CASD1: variants seen among roughly 807,000 people sequenced by gnomAD.
CASD1 encodes the protein CAS1 domain sialic acid O acetyltransferase 1, also known as N-acetylneuraminate (7)9-O-acetyltransferase.
In CASD1, 41 loss-of-function variants were observed where a neutral mutation model predicts 100.0. The ratio of observed to expected loss-of-function variants is 0.41; its 90% CI spans 0.32 to 0.53. The LOEUF is 0.53. Ranked by LOEUF, CASD1 falls within the 20% of genes least tolerant of loss-of-function variation. CASD1 has a pLI of 0.25. For synonymous variants in CASD1, 321 were observed against 315.6 expected (o/e 1.02, Z -0.18); for missense variants, 774 against 948.7 (o/e 0.82, Z 2.42).
chr7:94,558,151 G>T (rs1796268568), downstream of CASD1, among the ~76,000 whole-genome samples: 1 of 151,988 alleles, frequency 6.6e-6, no homozygotes, highest in Non-Finnish European at 1.5e-5. Context: ...CATTTTTGTG[G>T]GTAGCCAATA....
At chr7:94,511,517 C>G (rs1313561303) in intron 1 of CASD1, among the ~76,000 whole-genome samples, 1 of 152,214 alleles carries the variant, frequency 6.6e-6, no homozygotes. Flanking sequence ...CTCCAGCTCT[C>G]TCCAGATCAC....
chr7:94,613,179 A>C, the CASD1 span, among the ~76,000 whole-genome samples: 3 of 152,222 alleles, frequency 2.0e-5, no homozygotes, highest in Admixed American at 6.5e-5. Flanking sequence ...TGTCTCATTA[A>C]GTTTTTTTAA....
chr7:94,535,608 T>G, intron 8 of CASD1, 85 bp downstream of exon 8: 3 of 948,804 alleles, frequency 3.2e-6, no homozygotes, highest in Non-Finnish European at 4.9e-6. Flanking sequence ...TGGTTATAAA[T>G]AATTTGTTTT....
At chr7:94,513,762 T>C (rs1793835090) in intron 1 of CASD1, among the ~76,000 whole-genome samples, 1 of 152,240 alleles carries the variant, frequency 6.6e-6, no homozygotes, top group Non-Finnish European at 1.5e-5. Flanking sequence ...AATCCTTAAA[T>C]AACTGTGGAT....
At chr7:94,526,586 C>T (rs1035679413) in intron 3 of CASD1, among the ~76,000 whole-genome samples, 1 of 152,076 alleles carries the variant, frequency 6.6e-6, no homozygotes, top group African/African-American at 2.4e-5. Context: ...CCCAGGAGTT[C>T]GAGACCAGCT....
chr7:94,599,668 A>C, the CASD1 span: 13 of 1,602,704 alleles, frequency 8.1e-6, no homozygotes, highest in African/African-American at 1.7e-4. Flanking sequence ...AAAAATGATG[A>C]AGAAAATAAC....
chr7:94,605,440 TCAC>T, the CASD1 span, among the ~76,000 whole-genome samples: 2 of 152,114 alleles, frequency 1.3e-5, no homozygotes, highest in Non-Finnish European at 2.9e-5. Context: ...AACAATCTAT[TCAC>T]CATATATCCA....
At chr7:94,586,061 G>GAAAAAAAAAAAAAAAA in the CASD1 span, among the ~76,000 whole-genome samples, 1 of 28,904 alleles carries the variant, frequency 3.5e-5, no homozygotes, top group Non-Finnish European at 5.9e-5. Flanking sequence ...GGAACTAAAT[G>GAAAAAAAAAAAAAAAA]AAAAAAAAAA....
chr7:94,618,590 C>A, the CASD1 span: 2 of 608,288 alleles, frequency 3.3e-6, no homozygotes, highest in Non-Finnish European at 5.7e-6. Flanking sequence ...ACCACTAACA[C>A]AACATCTTTG....
intron 4 of CASD1, among the ~76,000 whole-genome samples, chr7:94,527,863 G>A (rs1166820382): frequency 6.6e-6 from 1 of 152,124 alleles, no homozygotes; most frequent in African/African-American, 2.4e-5. Context: ...TCTGCACCTT[G>A]TTAACAACTT....
intron 5 of CASD1, 73 bp from the exon 6 acceptor site, chr7:94,533,132 A>AATTAAATG: frequency 9.2e-7 from 1 of 1,089,126 alleles, no homozygotes; most frequent in East Asian, 2.4e-5. Flanking sequence ...TAAGGAAAAA[A>AATTAAATG]ATTAAATGAT....
the CASD1 span, among the ~76,000 whole-genome samples, chr7:94,581,956 C>T: frequency 6.6e-6 from 1 of 152,192 alleles, no homozygotes; most frequent in Non-Finnish European, 1.5e-5. Flanking sequence ...ACCACAGTGT[C>T]TTCCACAATG....
chr7:94,627,258 T>G, the CASD1 span: 1 of 152,098 alleles, frequency 6.6e-6, no homozygotes, highest in Non-Finnish European at 1.5e-5. Flanking sequence ...AAAGGCTGTA[T>G]TCTTTTAGTT....
the CASD1 span, among the ~76,000 whole-genome samples, chr7:94,583,880 A>G: frequency 2.0e-5 from 3 of 152,190 alleles, no homozygotes; most frequent in African/African-American, 7.2e-5. Flanking sequence ...AAAACAAAAA[A>G]ACCCTTAATA....
chr7:94,540,318 G>A (rs1795334968), intron 10 of CASD1, among the ~76,000 whole-genome samples: 1 of 152,180 alleles, frequency 6.6e-6, no homozygotes, highest in Non-Finnish European at 1.5e-5. Context: ...TCAATGATAA[G>A]TTGAAGTTAG....
the CASD1 span, chr7:94,624,562 A>C: frequency 4.9e-5 from 11 of 226,036 alleles, no homozygotes; most frequent in East Asian, 9.3e-4. Context: ...TGATCAATTA[A>C]TTTCACACCG....
Position 94,544,422 on chromosome 7 carries a change from A to G in CASD1, c.1368A>G (p.Val456=), listed in dbSNP as rs146472321. Residue 456 remains valine (V), a synonymous_variant, in exon 11 of 18, where the codon GTA becomes GTG. Transcript: ENST00000297273. ...HISGASTFLP[V]YMHIRVLVAA... ...ATCTTTGTCAACAGTTTTTGCCTGTATACATGCACATTCGAGTTCTGGTTG... is the reference window on the plus strand; with the variant it reads ...ATCTTTGTCAACAGTTTTTGCCTGTGTACATGCACATTCGAGTTCTGGTTG... 78 of 1,613,196 alleles carry G rather than the reference A, an allele frequency of 4.8e-5. No homozygotes were observed. The African/African-American group carries it at 8.1e-4, about 17-fold the overall frequency.
At chr7:94,623,738 A>C in the CASD1 span, 4 of 351,476 alleles carry the variant, frequency 1.1e-5, no homozygotes, top group East Asian at 1.2e-4. Context: ...CTAAGATTTC[A>C]AAAAAAAAAC....
Position 94,552,365 on chromosome 7 carries a change from G to T in CASD1, c.1972G>T (p.Ala658Ser), listed in dbSNP as rs1388670202. 1.9e-6 allele frequency: 3 copies of T among 1,611,236 alleles called. No homozygotes were observed. Among genetic ancestry groups the T allele is most frequent in the African/African-American group, 1.3e-5 (1 of 74,764 alleles). The change falls in exon 16 of 18, where the codon GCT (alanine) becomes TCT (serine). Residue 658 changes from alanine to serine, a missense_variant. By Grantham distance (99) the Ala-to-Ser change is moderately conservative. Around this residue, in one of 5 missense-constraint regions of CASD1, gnomAD observed 175 missense variants for 206.9 expected, o/e 0.85. Transcript: ENST00000297273. ...VVSFLTYSIW[A>S]SSCKNKAECN... ...TTTGTTTTAGACCTATTCCATCTGG[G>T]CTAGCAGTTGTAAAAACAAAGCAGA...
Sources: allele counts gnomAD v4.1 joint callset (sites outside exome capture counted in the v4.1 genomes callset), GRCh38; gene constraint gnomAD v4.1.1; regional missense constraint gnomAD v4.1.1; transcripts MANE v1.5; gene names NCBI Gene and HGNC (gene_info 2026-07-23, HGNC 2026-07-21).